The following AMZ1 variants were observed in gnomAD, a reference collection of about 807,000 sequenced individuals.
AMZ1 encodes the protein archaelysin family metallopeptidase 1.
In AMZ1, 39 loss-of-function variants were observed where a neutral mutation model predicts 29.9. The ratio of observed to expected loss-of-function variants is 1.30; its 90% CI spans 1.01 to 1.70. AMZ1 has a LOEUF of 1.70. Among genes scored for constraint, AMZ1 ranks in the 40% most tolerant of loss-of-function variants. The pLI, the probability that AMZ1 is intolerant of heterozygous loss-of-function variation, is 0.00. For missense variants in AMZ1, 1,041 were observed against 680.6 expected (o/e 1.53, Z -5.89); for synonymous variants, 458 against 304.0 (o/e 1.51, Z -5.27).
intron 4 of AMZ1, chr7:2,730,757 A>G (rs1384151263): frequency 6.0e-6 from 1 of 166,496 alleles, no homozygotes; most frequent in Non-Finnish European, 1.3e-5. Flanking sequence ...CTCAGGGAAG[A>G]CTTGTGAGTT....
At chr7:2,719,843 C>T (rs1356100664), downstream of AMZ1, among the ~76,000 whole-genome samples, 6 of 152,092 alleles carry the variant, frequency 3.9e-5, no homozygotes, top group African/African-American at 7.2e-5. Context: ...ACACCATGCC[C>T]GGCTAATTTT....
intron 4 of AMZ1, among the ~76,000 whole-genome samples, chr7:2,758,198 G>A (rs1034198309): frequency 4.6e-5 from 7 of 152,174 alleles, no homozygotes; most frequent in Admixed American, 1.3e-4. Flanking sequence ...GATGCTTACA[G>A]TATTAGAAAT....
At chr7:2,732,501 G>A (rs557677548) in intron 4 of AMZ1, among the ~76,000 whole-genome samples, 10 of 152,242 alleles carry the variant, frequency 6.6e-5, no homozygotes, top group South Asian at 2.1e-4. Flanking sequence ...AGTTACGATC[G>A]TGCCACTGTA....
In AMZ1 at chr7:2,732,279, C is replaced by T. The variant is rs377678627; in HGVS notation, n.550+22463C>T. ...TATTAATAATCCTCCAGGCCAGGCA[C>T]GGTGGCTCACACCTATAATCCTGGT... On this transcript the variant is annotated intron_variant and non_coding_transcript_variant, in intron 4 of 4. Coordinates refer to the AMZ1 transcript ENST00000489665. 1.1e-4 allele frequency among the ~76,000 whole-genome samples: 16 copies of T among 152,290 alleles called. No individual in the cohort carries two copies. The East Asian group carries it at 1.9e-3, about 18-fold the overall frequency.
At chr7:2,762,397 A>C (rs1235663125), upstream of AMZ1, 1 of 456,180 alleles carries the variant, frequency 2.2e-6, no homozygotes, top group African/African-American at 2.0e-5. Context: ...TTCCTCACTG[A>C]GGAAACCAAA....
At position 2,699,393 on chromosome 7, in the gene AMZ1, C is replaced by A. The variant is rs113362572; in HGVS notation, c.-218-841C>A. 4.3e-3 allele frequency among the ~76,000 whole-genome samples: 656 copies of A among 152,272 alleles called. 1 individual carries two copies. Among genetic ancestry groups the A allele is most frequent in the Admixed American group, 0.01 (155 of 15,292 alleles). On this transcript the variant is annotated intron_variant, in intron 1 of 6. Transcript: ENST00000683327. ...CTGGTCCGTCCTGGGTGTTGAAATC[C>A]GCTGTTGCTTCTCCACTTCTCCCTG...
intron 1 of AMZ1, among the ~76,000 whole-genome samples, chr7:2,696,044 CTA>C (rs907558916): frequency 2.7e-5 from 4 of 149,626 alleles, no homozygotes; most frequent in African/African-American, 9.9e-5. Flanking sequence ...ATGGACATAA[CTA>C]TTATTAGAAA....
intron 3 of AMZ1, among the ~76,000 whole-genome samples, chr7:2,703,116 G>C (rs1456910544): frequency 6.6e-6 from 1 of 152,200 alleles, no homozygotes; most frequent in Non-Finnish European, 1.5e-5. Flanking sequence ...GAAAACGCCA[G>C]AGCATGCAGA....
intron 4 of AMZ1, among the ~76,000 whole-genome samples, chr7:2,741,827 C>A (rs191110962): frequency 2.7e-5 from 4 of 150,788 alleles, no homozygotes; most frequent in African/African-American, 7.3e-5. Context: ...TTCAGGAGAA[C>A]GCCGCAAGGA....
At chr7:2,685,159 C>A (rs561093447), upstream of AMZ1, among the ~76,000 whole-genome samples, 1,828 of 151,926 alleles carry the variant, frequency 0.012, 19 homozygotes, top group Non-Finnish European at 0.018. Context: ...TGAGCCGCCG[C>A]GCCCGGCCTC....
At chr7:2,730,868 G>T in intron 4 of AMZ1, 1 of 325,486 alleles carries the variant, frequency 3.1e-6, no homozygotes, top group Non-Finnish European at 5.8e-6. Context: ...CAATTAAACT[G>T]CGTCAGAAAA....
chr7:2,732,896 G>C (rs946045879), intron 4 of AMZ1, among the ~76,000 whole-genome samples: 3 of 152,196 alleles, frequency 2.0e-5, no homozygotes, highest in Non-Finnish European at 2.9e-5. Flanking sequence ...TTCAAACTCT[G>C]CTAAAACAAA....
chr7:2,723,420 A>G (rs1257587491), downstream of AMZ1, among the ~76,000 whole-genome samples: 1 of 152,220 alleles, frequency 6.6e-6, no homozygotes, highest in Non-Finnish European at 1.5e-5. Context: ...CCGAGTTTCA[A>G]AGTCTCCTAC....
At position 2,690,330 on chromosome 7, in the gene AMZ1, C is replaced by T. The variant is rs187220618; in HGVS notation, c.-219+2034C>T. Among the ~76,000 whole-genome samples the T allele has an allele frequency of 9.2e-5, 14 of 152,304 alleles. 1 individual carries two copies. Among genetic ancestry groups the T allele is most frequent in the Non-Finnish European group, 1.8e-4 (12 of 68,032 alleles). On this transcript the variant is annotated intron_variant, in intron 1 of 6. Coordinates refer to ENST00000683327, the MANE Select transcript of AMZ1 (RefSeq NM_001384743.1). Reference sequence around the variant, plus strand: ...ACCTCCAGGGCGAAAGCAATCCTCCCATCTCAGCCTCCCTAGTAGCTGGGA... The same window carrying T: ...ACCTCCAGGGCGAAAGCAATCCTCCTATCTCAGCCTCCCTAGTAGCTGGGA...
intron 4 of AMZ1, among the ~76,000 whole-genome samples, chr7:2,726,910 T>A (rs1352638607): frequency 6.6e-6 from 1 of 152,118 alleles, no homozygotes; most frequent in Non-Finnish European, 1.5e-5. Flanking sequence ...CCACCTGCCA[T>A]CCCCATGGGC....
At chr7:2,745,669 A>G (rs1445486947) in intron 4 of AMZ1, among the ~76,000 whole-genome samples, 1 of 152,214 alleles carries the variant, frequency 6.6e-6, no homozygotes, top group East Asian at 1.9e-4. Context: ...ACACATAACA[A>G]TATTAACTTT....
At chr7:2,728,909 C>T (rs1789743036) in intron 4 of AMZ1, 1 of 152,428 alleles carries the variant, frequency 6.6e-6, no homozygotes, top group Non-Finnish European at 1.5e-5. Context: ...GGGGTCAGCG[C>T]TGAGCGGGTC....
At chr7:2,708,102 T>C (rs1788474571) in intron 3 of AMZ1, among the ~76,000 whole-genome samples, 1 of 152,074 alleles carries the variant, frequency 6.6e-6, no homozygotes, top group African/African-American at 2.4e-5. Context: ...GCATCACAGG[T>C]GTGAGCCACT....
chr7:2,705,355 C>T (rs865875372), intron 3 of AMZ1, among the ~76,000 whole-genome samples: 2 of 152,256 alleles, frequency 1.3e-5, no homozygotes, highest in Middle Eastern at 3.4e-3. Context: ...CAGTCCTCCC[C>T]GTTTTTCTCA....
Sources: gnomAD v4.1 joint callset for allele counts (sites outside exome capture counted in the v4.1 genomes callset) on GRCh38, gnomAD v4.1.1 for gene constraint, MANE v1.5 for transcripts, NCBI Gene and HGNC (gene_info 2026-07-23, HGNC 2026-07-21) for gene names.